Variants in NRG3 observed in about 807,000 individuals in gnomAD.
The protein encoded by NRG3 is pro-neuregulin-3, membrane-bound isoform.
In NRG3, 31 loss-of-function variants were observed where a neutral mutation model predicts 66.9. The ratio of observed to expected loss-of-function variants is 0.46; its 90% CI spans 0.35 to 0.63. NRG3 has a LOEUF of 0.63. NRG3 is among the 20% of genes least tolerant of loss of function. The probability of loss-of-function intolerance (pLI) is 0.00; values close to 1 mark genes in which losing one functional copy is unlikely to be tolerated. For missense variants in NRG3, 910 were observed against 878.9 expected (o/e 1.04, Z -0.45); for synonymous variants, 393 against 359.4 (o/e 1.09, Z -1.06).
intron 1 of NRG3, among the ~76,000 whole-genome samples, chr10:82,317,683 C>G (rs1280388979): frequency 6.6e-6 from 1 of 152,304 alleles, no homozygotes. Context: ...TTTGTGGCAT[C>G]ACAGGTGGTT....
chr10:81,924,176 C>T (rs1846539647), intron 1 of NRG3, among the ~76,000 whole-genome samples: 1 of 152,136 alleles, frequency 6.6e-6, no homozygotes, highest in Admixed American at 6.5e-5. Context: ...CTATAGGAGG[C>T]ACAGAACACG....
At chr10:82,322,714 G>T (rs2081641618) in intron 1 of NRG3, among the ~76,000 whole-genome samples, 1 of 152,136 alleles carries the variant, frequency 6.6e-6, no homozygotes, top group African/African-American at 2.4e-5. Context: ...ACTTATAACA[G>T]AATCAGTTCT....
chr10:82,205,570 A>T (rs767364092), intron 1 of NRG3, among the ~76,000 whole-genome samples: 7 of 152,154 alleles, frequency 4.6e-5, no homozygotes, highest in African/African-American at 1.7e-4. Context: ...GAAGACATGG[A>T]CAGAAGTACC....
intron 2 of NRG3, among the ~76,000 whole-genome samples, chr10:82,606,999 T>C (rs1486944934): frequency 6.6e-6 from 1 of 152,092 alleles, no homozygotes; most frequent in Non-Finnish European, 1.5e-5. Context: ...CCCAAACCTC[T>C]TGGGGAGGCA....
chr10:82,531,372 GTTA>G (rs926368682), intron 2 of NRG3, among the ~76,000 whole-genome samples: 1 of 151,414 alleles, frequency 6.6e-6, no homozygotes, highest in African/African-American at 2.4e-5. Flanking sequence ...GTTCGATGAT[GTTA>G]TTTTTTACAT....
intron 1 of NRG3, among the ~76,000 whole-genome samples, chr10:81,985,860 A>G (rs1453273070): frequency 1.3e-5 from 2 of 152,246 alleles, no homozygotes; most frequent in African/African-American, 2.4e-5. Flanking sequence ...ACAGAAGAGC[A>G]TAATATATAC....
At chr10:82,633,767 T>C (rs999453115) in intron 2 of NRG3, among the ~76,000 whole-genome samples, 9 of 152,190 alleles carry the variant, frequency 5.9e-5, no homozygotes, top group Non-Finnish European at 8.8e-5. Context: ...GATGGGCTAT[T>C]TGACATTAAT....
At chr10:81,966,574 G>T (rs572431403) in intron 1 of NRG3, among the ~76,000 whole-genome samples, 30 of 152,190 alleles carry the variant, frequency 2.0e-4, no homozygotes, top group African/African-American at 7.2e-4. Context: ...GACTCCAAAA[G>T]TGCTGGGATT....
chr10:81,930,567 G>A (rs1253517300), intron 1 of NRG3, among the ~76,000 whole-genome samples: 3 of 151,956 alleles, frequency 2.0e-5, no homozygotes, highest in Non-Finnish European at 4.4e-5. Context: ...CATTTGCCTG[G>A]CAAGTAACAA....
At chr10:82,472,333 A>G (rs1298456216) in intron 2 of NRG3, among the ~76,000 whole-genome samples, 2 of 152,210 alleles carry the variant, frequency 1.3e-5, no homozygotes, top group Non-Finnish European at 2.9e-5. Context: ...AAAATACACT[A>G]GTTCAATGAT....
At chr10:82,434,089 T>A (rs2089986957) in intron 2 of NRG3, among the ~76,000 whole-genome samples, 1 of 152,198 alleles carries the variant, frequency 6.6e-6, no homozygotes, top group South Asian at 2.1e-4. Flanking sequence ...GAGGATGGAA[T>A]GTTTTTTCCA....
chr10:81,915,793 G>T (rs957140173), intron 1 of NRG3, among the ~76,000 whole-genome samples: 4 of 152,000 alleles, frequency 2.6e-5, no homozygotes, highest in African/African-American at 7.2e-5. Context: ...CAGAAAATTA[G>T]CATGATAATG....
chr10:82,637,156 T>C (rs1007767803), intron 2 of NRG3, among the ~76,000 whole-genome samples: 2 of 152,200 alleles, frequency 1.3e-5, no homozygotes, highest in African/African-American at 4.8e-5. Flanking sequence ...GAAAACAGCA[T>C]ATATTATGCC....
chr10:82,694,499 A>C (rs2055213686), intron 2 of NRG3, among the ~76,000 whole-genome samples: 1 of 152,162 alleles, frequency 6.6e-6, no homozygotes, highest in Non-Finnish European at 1.5e-5. Context: ...TCACTCCTGT[A>C]ATCCCAGCTC....
chr10:82,522,803 G>A (rs1266281781), intron 2 of NRG3, among the ~76,000 whole-genome samples: 6 of 151,654 alleles, frequency 4.0e-5, no homozygotes, highest in Admixed American at 3.9e-4. Flanking sequence ...GTACAATTTA[G>A]CAATTTGAAA....
At chr10:82,931,922 G>A (rs998116663) in intron 4 of NRG3, among the ~76,000 whole-genome samples, 4 of 152,110 alleles carry the variant, frequency 2.6e-5, no homozygotes, top group African/African-American at 4.8e-5. Context: ...ACATCGTTTA[G>A]CCTCTTTGAG....
chr10:82,728,998 T>C (rs2057756511), intron 2 of NRG3, among the ~76,000 whole-genome samples: 1 of 151,774 alleles, frequency 6.6e-6, no homozygotes, highest in African/African-American at 2.4e-5. Context: ...TGTGTGAGGG[T>C]GTGAGTGTGT....
intron 2 of NRG3, among the ~76,000 whole-genome samples, chr10:82,437,122 A>G (rs954422492): frequency 1.3e-5 from 2 of 152,044 alleles, no homozygotes; most frequent in African/African-American, 4.8e-5. Context: ...ATAATATCCC[A>G]AAGTGTGTTT....
At chr10:82,271,253 T>C (rs955317575) in intron 1 of NRG3, among the ~76,000 whole-genome samples, 1 of 152,028 alleles carries the variant, frequency 6.6e-6, no homozygotes, top group Non-Finnish European at 1.5e-5. Context: ...GAACTCCTGA[T>C]TTTACATGTG....
Sources: gnomAD v4.1 joint callset for allele counts (sites outside exome capture counted in the v4.1 genomes callset) on GRCh38, gnomAD v4.1.1 for gene constraint, MANE v1.5 for transcripts, NCBI Gene and HGNC (gene_info 2026-07-23, HGNC 2026-07-21) for gene names.